Variants in NPM1 observed in about 807,000 individuals in gnomAD.
NPM1 encodes nucleophosmin 1, also known as nucleophosmin.
In NPM1, 1 loss-of-function variant was observed where a neutral mutation model predicts 44.1. That is an observed-to-expected ratio of 0.02 (90% CI 0.01 to 0.11). The LOEUF (loss-of-function observed/expected upper bound fraction) is 0.11, where lower values mean the gene tolerates loss of function less well. Ranked by LOEUF, NPM1 falls within the 10% of genes least tolerant of loss-of-function variation. The pLI, the probability that NPM1 is intolerant of heterozygous loss-of-function variation, is 1.00. For missense variants in NPM1, 197 were observed against 347.8 expected (o/e 0.57, Z 3.45); for synonymous variants, 126 against 111.8 (o/e 1.13, Z -0.80).
chr5:171,394,138 T>C (rs1770748375), intron 6 of NPM1, among the ~76,000 whole-genome samples: 1 of 145,652 alleles, frequency 6.9e-6, no homozygotes, highest in South Asian at 2.2e-4. Flanking sequence ...GCCTCCTGGG[T>C]TCAAGCGATT....
intron 6 of NPM1, among the ~76,000 whole-genome samples, chr5:171,398,379 A>T (rs948066055): frequency 2.6e-5 from 4 of 152,182 alleles, no homozygotes; most frequent in Non-Finnish European, 5.9e-5. Context: ...GTGTGAATGG[A>T]GGGGTCTAAA....
intron 10 of NPM1, among the ~76,000 whole-genome samples, 162 bp from the exon 11 acceptor site, chr5:171,410,364 AC>A (rs1771761775): frequency 6.6e-6 from 1 of 152,246 alleles, no homozygotes; most frequent in Non-Finnish European, 1.5e-5. Context: ...GAATTAAATT[AC>A]ATCTGAGTAT....
chr5:171,400,675 T>A lies in NPM1; in HGVS notation c.583-164T>A, dbSNP rs558286826. 153 of 538,128 alleles carry A rather than the reference T, an allele frequency of 2.8e-4. 1 individual carries two copies. The highest frequency in any genetic ancestry group is 2.2e-3 in the East Asian group (69 of 30,910). 33.3% of individuals were successfully genotyped at this position (538,128 alleles called of 1,614,324 possible). ...GTCGGCCAGGCTGGTCTCGAACTCC[T>A]GACCTCGTGATCCACCTGCCTCGGC... On this transcript the variant is annotated intron_variant, in intron 7 of 10. Coordinates refer to ENST00000296930, the MANE Select transcript of NPM1 (RefSeq NM_002520.7).
chr5:171,391,155 T>C (rs565866436), intron 2 of NPM1, 150 bp from the exon 3 acceptor site: 177 of 869,922 alleles, frequency 2.0e-4, no homozygotes, highest in African/African-American at 1.5e-3. Context: ...CACATTCTTA[T>C]GATTGTACAA....
chr5:171,392,585 TC>T (rs1770632357), intron 4 of NPM1, 124 bp from the exon 5 acceptor site: 6 of 534,126 alleles, frequency 1.1e-5, no homozygotes, highest in African/African-American at 2.7e-5. Flanking sequence ...TCCCATGTGC[TC>T]TTTTTTTTTT....
chr5:171,388,790 T>G (rs1300901411), intron 1 of NPM1, among the ~76,000 whole-genome samples: 1 of 152,208 alleles, frequency 6.6e-6, no homozygotes, highest in Non-Finnish European at 1.5e-5. Flanking sequence ...CTTTTCTGTC[T>G]CACTGCGGTA....
At chr5:171,391,245 G>C (rs1251818057) in intron 2 of NPM1, 60 bp from the exon 3 acceptor site, 3 of 1,568,086 alleles carry the variant, frequency 1.9e-6, no homozygotes, top group South Asian at 1.2e-5. Context: ...AACATTTAGT[G>C]GGGGGGTGTA....
intron 6 of NPM1, among the ~76,000 whole-genome samples, chr5:171,399,934 A>C (rs1771105362): frequency 1.3e-5 from 2 of 152,198 alleles, no homozygotes; most frequent in African/African-American, 4.8e-5. Context: ...CACTTTGTTC[A>C]AGGTTCAGTC....
At chr5:171,406,366 A>T (rs779545092) in intron 9 of NPM1, 2 of 1,592,452 alleles carry the variant, frequency 1.3e-6, no homozygotes, top group Non-Finnish European at 1.7e-6. Flanking sequence ...CTCCATTTTA[A>T]TATGGTCCTA....
upstream of NPM1, among the ~76,000 whole-genome samples, chr5:171,387,482 G>A (rs1012909265): frequency 1.3e-5 from 2 of 152,360 alleles, no homozygotes; most frequent in African/African-American, 4.8e-5. Context: ...ACAGCTAAGG[G>A]CTGCCGACGC....
At chr5:171,400,307 T>TGGGAGATCATTTCATACTGA (rs1554136987) in intron 7 of NPM1, 97 bp downstream of exon 7, 3 of 1,234,316 alleles carry the variant, frequency 2.4e-6, no homozygotes, top group East Asian at 4.8e-5. Flanking sequence ...GAAGCTGGTG[T>TGGGAGATCATTTCATACTGA]GGGAGATCAT....
intron 4 of NPM1, 121 bp from the exon 5 acceptor site, chr5:171,392,584 CTCTTT>C (rs1770632019): frequency 1.9e-6 from 1 of 523,950 alleles, no homozygotes; most frequent in Non-Finnish European, 3.0e-6. Context: ...TTCCCATGTG[CTCTTT>C]TTTTTTTTTT....
chr5:171,400,660 C>G (rs796366147), intron 7 of NPM1, 179 bp from the exon 8 acceptor site: 1 of 511,860 alleles, frequency 2.0e-6, no homozygotes, highest in African/African-American at 2.0e-5. Flanking sequence ...GTCGGCCAGG[C>G]TGGTCTCGAA....
At chr5:171,389,494 G>C (rs12188801) in intron 1 of NPM1, among the ~76,000 whole-genome samples, 61,507 of 152,016 alleles carry the variant, frequency 0.4, 12,463 homozygotes, top group East Asian at 0.55. Context: ...CTATCGGAAA[G>C]AACCCTCCTT....
intron 9 of NPM1, 36 bp downstream of exon 9, chr5:171,405,439 C>A: frequency 1.1e-6 from 1 of 923,942 alleles, no homozygotes; most frequent in East Asian, 2.5e-5. Flanking sequence ...TTTGTCTCCC[C>A]CCTCAAATTG....
chr5:171,393,121 G>A, intron 6 of NPM1, 143 bp downstream of exon 6: 1 of 1,048,466 alleles, frequency 9.5e-7, no homozygotes, highest in Non-Finnish European at 1.3e-6. Context: ...AGGGCAGGTG[G>A]TCATCTGTTG....
At chr5:171,396,991 G>A (rs1481376351) in intron 6 of NPM1, among the ~76,000 whole-genome samples, 1 of 152,162 alleles carries the variant, frequency 6.6e-6, no homozygotes, top group Non-Finnish European at 1.5e-5. Flanking sequence ...GTGCAGTTCA[G>A]TGGTTTTAGT....
At position 171,392,968 on chromosome 5, in the gene NPM1, G is replaced by A. The variant is rs2113183002; in HGVS notation, c.514G>A (p.Asp172Asn). The A allele has an allele frequency of 6.2e-7, 1 of 1,609,920 alleles. No homozygotes were observed. The highest frequency in any genetic ancestry group is 1.1e-5 in the South Asian group (1 of 90,856). ...EDDDDDDEED[D>N]DEDDDDDDFD... is the part of the protein sequence containing the mutation. ...TGATGACGATGATGATGAAGAGGAT[G>A]ATGATGAAGAGTAAGTATGATTTTA... Residue 172 changes from aspartate (D) to asparagine (N), a missense_variant, in exon 6 of 11, where the codon GAT becomes AAT. Asp to Asn is a conservative substitution (Grantham distance 23, BLOSUM62 1). Coordinates refer to ENST00000296930, the MANE Select transcript of NPM1 (RefSeq NM_002520.7).
chr5:171,401,025 T>TAG (rs1771170067), intron 8 of NPM1, 100 bp downstream of exon 8: 2 of 810,530 alleles, frequency 2.5e-6, no homozygotes, highest in Non-Finnish European at 4.2e-6. Flanking sequence ...TAGGCCTTTA[T>TAG]AGAACCCCTG....
Sources: allele counts gnomAD v4.1 joint callset (sites outside exome capture counted in the v4.1 genomes callset), GRCh38; gene constraint gnomAD v4.1.1; transcripts MANE v1.5; gene names NCBI Gene and HGNC (gene_info 2026-07-23, HGNC 2026-07-21).